Variants in SNX29 observed in about 807,000 individuals in gnomAD.
SNX29 encodes the protein sorting nexin 29.
A neutral mutation model predicts 102.1 loss-of-function variants in SNX29; 78 were observed. That is an observed-to-expected ratio of 0.76 (90% CI 0.64 to 0.92). The LOEUF is 0.92. Among genes scored for constraint, SNX29 ranks in the 40% least tolerant of loss-of-function variants. The pLI, the probability that SNX29 is intolerant of heterozygous loss-of-function variation, is 0.00. For synonymous variants in SNX29, 580 were observed against 414.5 expected (o/e 1.40, Z -4.85); for missense variants, 1,280 against 1,061.7 (o/e 1.21, Z -2.86).
intron 14 of SNX29, among the ~76,000 whole-genome samples, chr16:12,213,076 T>C (rs2077230252): frequency 6.6e-6 from 1 of 152,164 alleles, no homozygotes. Flanking sequence ...ATCGTGCCAC[T>C]GCACTCCAGC....
At chr16:12,482,912 T>C (rs2088015220) in intron 19 of SNX29, among the ~76,000 whole-genome samples, 1 of 152,146 alleles carries the variant, frequency 6.6e-6, no homozygotes. Flanking sequence ...AAAGAATCTG[T>C]TGCTTTAATA....
chr16:12,571,158 T>C lies in SNX29; in HGVS notation c.*2529T>C, dbSNP rs183261662. Reference sequence around the variant, plus strand: ...GGGTCCATCTTGCTGCTCAGAAGAATCCCGTCCTGCTCTCTAGTGTGGTGG... The same window carrying C: ...GGGTCCATCTTGCTGCTCAGAAGAACCCCGTCCTGCTCTCTAGTGTGGTGG... On this transcript the variant is annotated 3_prime_UTR_variant, in exon 21 of 21. Coordinates refer to ENST00000566228, the MANE Select transcript of SNX29 (RefSeq NM_032167.5). 110 of 232,638 alleles carry C rather than the reference T, an allele frequency of 4.7e-4. 1 individual carries two copies. Among genetic ancestry groups the C allele is most frequent in the African/African-American group, 2.2e-3 (98 of 45,424 alleles). 14.4% of individuals were successfully genotyped at this position (232,638 alleles called of 1,614,324 possible). A position where few individuals can be genotyped will look rare whatever the true frequency, so the allele number is the denominator to read the frequency against.
At chr16:12,395,896 G>A (rs967892194) in intron 16 of SNX29, among the ~76,000 whole-genome samples, 4 of 152,232 alleles carry the variant, frequency 2.6e-5, no homozygotes, top group Non-Finnish European at 4.4e-5. Flanking sequence ...AAAATTTGAT[G>A]TTGAGTAAGC....
At chr16:12,545,944 C>A (rs533614126) in intron 20 of SNX29, among the ~76,000 whole-genome samples, 1 of 152,116 alleles carries the variant, frequency 6.6e-6, no homozygotes, top group African/African-American at 2.4e-5. Context: ...ATGTATTATC[C>A]TGACAACTAA....
chr16:12,557,793 C>CA (rs1298515018), intron 20 of SNX29: 2 of 152,186 alleles, frequency 1.3e-5, no homozygotes, highest in Non-Finnish European at 2.9e-5. Context: ...CACGATCTTA[C>CA]AGGATCACTA....
At chr16:12,067,370 G>T (rs2151293566) in intron 9 of SNX29, among the ~76,000 whole-genome samples, 1 of 152,220 alleles carries the variant, frequency 6.6e-6, no homozygotes, top group African/African-American at 2.4e-5. Context: ...AAGCAAAGAT[G>T]GAGGGAATGG....
chr16:12,136,420 C>G (rs948315196), intron 13 of SNX29, among the ~76,000 whole-genome samples: 2 of 152,240 alleles, frequency 1.3e-5, no homozygotes, highest in Non-Finnish European at 2.9e-5. Context: ...AGTTTCCCCA[C>G]TGATGCTAAC....
chr16:12,105,248 C>G (rs2053186944), intron 11 of SNX29, among the ~76,000 whole-genome samples: 1 of 133,118 alleles, frequency 7.5e-6, no homozygotes, highest in South Asian at 2.8e-4. Flanking sequence ...TTCCTTCCTT[C>G]ATTGTCTCAC....
At chr16:12,551,749 G>T (rs2077989885) in intron 20 of SNX29, among the ~76,000 whole-genome samples, 1 of 152,228 alleles carries the variant, frequency 6.6e-6, no homozygotes, top group Admixed American at 6.5e-5. Context: ...AATACTTCCT[G>T]GCTGCCTTGT....
intron 20 of SNX29, among the ~76,000 whole-genome samples, chr16:12,535,624 C>A (rs1011918192): frequency 6.6e-6 from 1 of 152,136 alleles, no homozygotes; most frequent in Non-Finnish European, 1.5e-5. Context: ...TCAGTCACAC[C>A]AACATGAAGC....
At chr16:12,157,725 C>T (rs2055611392) in intron 13 of SNX29, among the ~76,000 whole-genome samples, 2 of 152,112 alleles carry the variant, frequency 1.3e-5, no homozygotes, top group South Asian at 4.1e-4. Flanking sequence ...GAATTCCTGT[C>T]CCTGACCCCA....
rs534391272 is a variant in SNX29, at chr16:12,528,054, T to G, written c.2318+3213T>G. On this transcript the variant is annotated intron_variant, in intron 20 of 20. Coordinates refer to ENST00000566228, the MANE Select transcript of SNX29 (RefSeq NM_032167.5). ...GTTAGCCAGGATGGTCTCGATCTCC[T>G]GACCCCGTTATTCCCCCACCTTGGC... 7.2e-5 allele frequency among the ~76,000 whole-genome samples: 11 copies of G among 152,218 alleles called. No homozygotes were observed. The East Asian group carries it at 2.1e-3, about 29-fold the overall frequency.
At chr16:12,164,677 T>C (rs1050124397) in intron 13 of SNX29, among the ~76,000 whole-genome samples, 19 of 141,608 alleles carry the variant, frequency 1.3e-4, no homozygotes, top group Non-Finnish European at 2.5e-4. Flanking sequence ...TGTTTATTCA[T>C]GCCTTTTTTT....
At chr16:12,084,731 G>A (rs2052077914) in intron 11 of SNX29, among the ~76,000 whole-genome samples, 1 of 152,186 alleles carries the variant, frequency 6.6e-6, no homozygotes. Flanking sequence ...CGGCCATGAA[G>A]ATAACTGTGA....
Position 12,257,501 on chromosome 16 carries a change from ATCTC to A in SNX29, c.1679-20416_1679-20413del, listed in dbSNP as rs111505982. On this transcript the variant is annotated intron_variant, in intron 14 of 20. Coordinates refer to ENST00000566228, the MANE Select transcript of SNX29 (RefSeq NM_032167.5). ...GGGGGCCATTCTGCCTACCACTAGC[ATCTC>A]TCTCTCTCTCTCTCTTTAAGAGAGA... 2.3e-4 allele frequency among the ~76,000 whole-genome samples: 34 copies of A among 149,986 alleles called. No individual in the cohort carries two copies. The South Asian group carries it at 2.8e-3, about 12-fold the overall frequency.
chr16:12,220,310 G>C (rs1217286738), intron 14 of SNX29, among the ~76,000 whole-genome samples: 3 of 147,744 alleles, frequency 2.0e-5, no homozygotes, highest in Non-Finnish European at 4.5e-5. Context: ...CTTTATGGGA[G>C]GGAGGGAGGG....
rs749824326 is a variant in SNX29 at position 12,524,776 on chromosome 16, G to C, written c.2253G>C (p.Gln751His). The C allele has an allele frequency of 9.9e-6, 16 of 1,613,718 alleles. No individual in the cohort carries two copies. Among genetic ancestry groups the C allele is most frequent in the Non-Finnish European group, 1.3e-5 (15 of 1,179,842 alleles). ...YLRSVMNKVI[Q>H]MVPEFAASPK... ...GCAGCGTCATGAACAAAGTCATCCAGATGGTCCCCGAGTTCGCTGCCAGCC... is the reference window on the plus strand; with the variant it reads ...GCAGCGTCATGAACAAAGTCATCCACATGGTCCCCGAGTTCGCTGCCAGCC... Residue 751 changes from glutamine (Q) to histidine (H), a missense_variant, in exon 20 of 21, where the codon CAG becomes CAC. Transcript: ENST00000566228.
At chr16:12,341,602 A>G (rs2081612104) in intron 15 of SNX29, among the ~76,000 whole-genome samples, 1 of 152,206 alleles carries the variant, frequency 6.6e-6, no homozygotes. Context: ...TGCTCCACAT[A>G]ATGACTCAGA....
At chr16:12,349,405 T>G (rs975459974) in intron 15 of SNX29, among the ~76,000 whole-genome samples, 1 of 152,238 alleles carries the variant, frequency 6.6e-6, no homozygotes, top group African/African-American at 2.4e-5. Flanking sequence ...ATTTCTAGTT[T>G]TCTTAGTTTT....
Sources: gnomAD v4.1 joint callset for allele counts (sites outside exome capture counted in the v4.1 genomes callset) on GRCh38, gnomAD v4.1.1 for gene constraint, MANE v1.5 for transcripts, NCBI Gene and HGNC (gene_info 2026-07-23, HGNC 2026-07-21) for gene names.